Variants in MTUS2 observed in about 807,000 individuals in gnomAD.
MTUS2 encodes microtubule-associated tumor suppressor candidate 2.
A neutral mutation model predicts 114.1 loss-of-function variants in MTUS2; 40 were observed. That is an observed-to-expected ratio of 0.35 (90% CI 0.27 to 0.46). The LOEUF (loss-of-function observed/expected upper bound fraction) is 0.46. MTUS2 is among the 20% of genes least tolerant of loss of function. The pLI, the probability that MTUS2 is intolerant of heterozygous loss-of-function variation, is 1.00. For synonymous variants in MTUS2, 688 were observed against 672.0 expected (o/e 1.02, Z -0.37); for missense variants, 1,679 against 1,705.4 (o/e 0.98, Z 0.27).
chr13:29,033,633 C>T (rs370774662), intron 3 of MTUS2, among the ~76,000 whole-genome samples: 17 of 152,124 alleles, frequency 1.1e-4, no homozygotes, highest in African/African-American at 4.1e-4. Flanking sequence ...AAATCTTATC[C>T]AGTGAGTTCT....
chr13:29,007,634 C>T (rs1278632765), intron 2 of MTUS2, among the ~76,000 whole-genome samples: 1 of 152,240 alleles, frequency 6.6e-6, no homozygotes, highest in East Asian at 1.9e-4. Context: ...TCTCCTCCTC[C>T]TCAGCCTACT....
At chr13:28,828,728 TAA>T (rs917171077) in intron 1 of MTUS2, among the ~76,000 whole-genome samples, 3 of 152,138 alleles carry the variant, frequency 2.0e-5, no homozygotes, top group Admixed American at 6.5e-5. Flanking sequence ...AGACACTTAG[TAA>T]TACAAATAAA....
intron 6 of MTUS2, among the ~76,000 whole-genome samples, chr13:29,296,834 T>A (rs1898968267): frequency 6.6e-6 from 1 of 152,218 alleles, no homozygotes; most frequent in Admixed American, 6.5e-5. Flanking sequence ...TCTTTTTATA[T>A]CCTGGATATT....
At chr13:29,006,828 C>G (rs568808256) in intron 2 of MTUS2, among the ~76,000 whole-genome samples, 1 of 152,300 alleles carries the variant, frequency 6.6e-6, no homozygotes, top group Non-Finnish European at 1.5e-5. Context: ...CTGTGACTCT[C>G]TTCTGATGCT....
chr13:29,075,025 G>T (rs9506091), intron 4 of MTUS2, among the ~76,000 whole-genome samples: 26,012 of 152,086 alleles, frequency 0.17, 2,621 homozygotes, highest in Non-Finnish European at 0.23. Context: ...TCAAGCCCCA[G>T]CCCCTGGCAA....
At chr13:29,307,941 T>C (rs1310600517) in intron 6 of MTUS2, among the ~76,000 whole-genome samples, 2 of 152,104 alleles carry the variant, frequency 1.3e-5, no homozygotes. Flanking sequence ...AGCCCCACCT[T>C]GTCATGTACC....
At chr13:29,317,439 T>TATAACTCATCCAGG (rs1900044293) in intron 6 of MTUS2, among the ~76,000 whole-genome samples, 1 of 53,298 alleles carries the variant, frequency 1.9e-5, no homozygotes, top group African/African-American at 5.6e-5. Context: ...TCTCTTTTTT[T>TATAACTCATCCAGG]TTTTTTTTTT....
intron 2 of MTUS2, among the ~76,000 whole-genome samples, chr13:28,991,698 A>G (rs1195586348): frequency 6.6e-6 from 1 of 152,112 alleles, no homozygotes; most frequent in Non-Finnish European, 1.5e-5. Context: ...ATTTAATTTA[A>G]TTTAGACTGT....
chr13:29,436,071 T>C (rs1486646272), intron 8 of MTUS2, among the ~76,000 whole-genome samples: 1 of 152,182 alleles, frequency 6.6e-6, no homozygotes, highest in Non-Finnish European at 1.5e-5. Flanking sequence ...TGGAGTGGGA[T>C]GTGAATGCAG....
rs554157276 is a variant in MTUS2, at chr13:28,891,457, G to T, written c.-243+51607G>T. ...TACACACACATATTGAAAAAAGGCA[G>T]AATCGTAGGCCGTTGAACTGAAAGG... On this transcript the variant is annotated intron_variant, in intron 2 of 15. Coordinates refer to ENST00000612955, the MANE Select transcript of MTUS2 (RefSeq NM_001033602.4). Among the ~76,000 whole-genome samples, 22 of 152,262 alleles carry T rather than the reference G, an allele frequency of 1.4e-4. 2 individuals carry two copies. The South Asian group carries it at 4.6e-3, about 32-fold the overall frequency.
intron 2 of MTUS2, among the ~76,000 whole-genome samples, chr13:28,934,616 C>T (rs765445527): frequency 2.0e-5 from 3 of 152,064 alleles, no homozygotes; most frequent in East Asian, 1.9e-4. Context: ...CTTCCCCTCC[C>T]GGGTTCAAGC....
Position 29,054,822 on chromosome 13 carries a change from G to T in MTUS2, c.2446+20697G>T, listed in dbSNP as rs553432193. 7.2e-5 allele frequency among the ~76,000 whole-genome samples: 11 copies of T among 152,132 alleles called. No individual in the cohort carries two copies. The South Asian group carries it at 2.3e-3, about 32-fold the overall frequency. ...GAGAAGATTTTCTAATTTCTCTCAT[G>T]ACATATTTGGCCCAGAGTCTATTTA... On this transcript the variant is annotated intron_variant, in intron 4 of 15. Coordinates refer to ENST00000612955, the MANE Select transcript of MTUS2 (RefSeq NM_001033602.4).
chr13:29,381,302 A>C (rs1872188492), intron 8 of MTUS2, among the ~76,000 whole-genome samples: 1 of 152,222 alleles, frequency 6.6e-6, no homozygotes, highest in South Asian at 2.1e-4. Context: ...GAAAATGCCC[A>C]AAATTCCCAA....
chr13:28,974,589 T>C (rs559219418), intron 2 of MTUS2, among the ~76,000 whole-genome samples: 113 of 152,356 alleles, frequency 7.4e-4, no homozygotes, highest in Admixed American at 1.4e-3. Context: ...TCCTCAGCAC[T>C]TAATACAAGG....
chr13:28,871,568 C>G (rs567224666), intron 2 of MTUS2, among the ~76,000 whole-genome samples: 1 of 152,210 alleles, frequency 6.6e-6, no homozygotes, highest in South Asian at 2.1e-4. Flanking sequence ...TACTATATAC[C>G]AACTACTCTA....
At position 29,209,291 on chromosome 13, in the gene MTUS2, C is replaced by G. The variant is rs535135970; in HGVS notation, c.2645-72413C>G. On this transcript the variant is annotated intron_variant, in intron 5 of 15. Coordinates refer to ENST00000612955, the MANE Select transcript of MTUS2 (RefSeq NM_001033602.4). The stretch of plus-strand genomic sequence containing the variant: ...TTGCATGGAATATCTTTTTCCACCC[C>G]CTACCTTAAGTTGATTTGAGTTCTT... Among the ~76,000 whole-genome samples, 3 of 152,224 alleles carry G rather than the reference C, an allele frequency of 2.0e-5. No individual in the cohort carries two copies. The East Asian group carries it at 5.8e-4, about 29-fold the overall frequency.
rs573669017 is a variant in MTUS2 at position 28,992,085 on chromosome 13, C to A, written c.-242-32372C>A. Among the ~76,000 whole-genome samples, 4 of 152,286 alleles carry A rather than the reference C, an allele frequency of 2.6e-5. No individual in the cohort carries two copies. The South Asian group carries it at 8.3e-4, about 32-fold the overall frequency. On this transcript the variant is annotated intron_variant, in intron 2 of 15. Coordinates refer to ENST00000612955, the MANE Select transcript of MTUS2 (RefSeq NM_001033602.4). ...TGGGAAATTTACTTTGGGGGACTCT[C>A]TCAATCTCCCTTCTCTTCTCTGTAG... is the stretch of plus-strand genomic sequence containing the variant.
At chr13:29,106,454 G>C (rs1003009767) in intron 5 of MTUS2, among the ~76,000 whole-genome samples, 12 of 152,036 alleles carry the variant, frequency 7.9e-5, no homozygotes, top group Non-Finnish European at 1.8e-4. Context: ...CTGTCTCTTG[G>C]GCTTAAGCAA....
chr13:29,445,919 AAG>A lies in MTUS2; in HGVS notation c.3184+5877_3184+5878del, dbSNP rs1477689709. On this transcript the variant is annotated intron_variant, in intron 9 of 15. Transcript: ENST00000612955. ...CAAGACTCTGTCTCCAAAAAAAAAAAAGAGAGAGTTTATATAATTCTATCCCC... is the reference window on the plus strand; with the variant it reads ...CAAGACTCTGTCTCCAAAAAAAAAAAAGAGAGTTTATATAATTCTATCCCC... Among the ~76,000 whole-genome samples, 456 of 151,878 alleles carry A rather than the reference AAG, an allele frequency of 3.0e-3. 2 individuals carry two copies. Among genetic ancestry groups the A allele is most frequent in the African/African-American group, 0.011 (442 of 41,384 alleles).
Sources: gnomAD v4.1 joint callset for allele counts (sites outside exome capture counted in the v4.1 genomes callset) on GRCh38, gnomAD v4.1.1 for gene constraint, MANE v1.5 for transcripts, NCBI Gene and HGNC (gene_info 2026-07-23, HGNC 2026-07-21) for gene names.